Variants in NXN observed in about 807,000 individuals in gnomAD.
NXN encodes the protein nucleoredoxin 1.
In NXN, 16 loss-of-function variants were observed where a neutral mutation model predicts 48.6. The ratio of observed to expected loss-of-function variants is 0.33; its 90% CI spans 0.22 to 0.50. NXN has a LOEUF of 0.50. Ranked by LOEUF, NXN falls within the 20% of genes least tolerant of loss-of-function variation. The probability of loss-of-function intolerance (pLI) is 0.98; values close to 1 mark genes in which losing one functional copy is unlikely to be tolerated. For missense variants in NXN, 492 were observed against 605.5 expected, an observed-to-expected ratio of 0.81 and a Z score of 1.97; for synonymous variants, 281 against 269.6, an observed-to-expected ratio of 1.04 and a Z score of -0.41.
chr17:817,884 A>C (rs966175168), intron 5 of NXN, among the ~76,000 whole-genome samples: 2 of 152,150 alleles, frequency 1.3e-5, no homozygotes, highest in Non-Finnish European at 2.9e-5. Context: ...TGCTTTGTGA[A>C]GAGAAAAACC....
rs911168838 is a variant in NXN at position 958,557 on chromosome 17, G to A, written c.360+20762C>T. Among the ~76,000 whole-genome samples the A allele has an allele frequency of 8.5e-5, 13 of 152,116 alleles. No homozygotes were observed. Among genetic ancestry groups the A allele is most frequent in the African/African-American group, 3.1e-4 (13 of 41,400 alleles). ...GGAGGCCGAAGCGGGTGGATCACGA[G>A]GTCAGGAGTTCGAGACCAGCCTGGC... On this transcript the variant is annotated intron_variant, in intron 1 of 7. Transcript: ENST00000336868. The surrounding 1 kb of genome is among the most constrained non-coding windows in gnomAD (Gnocchi z 6.9).
At chr17:885,651 A>C (rs1597694105) in intron 1 of NXN, among the ~76,000 whole-genome samples, 1 of 133,884 alleles carries the variant, frequency 7.5e-6, no homozygotes, top group Non-Finnish European at 1.6e-5. Flanking sequence ...CGCCATGCCC[A>C]CCTGGGGGCT....
At position 822,343 on chromosome 17, in the gene NXN, A is replaced by C; in HGVS notation, c.713+14T>G. The C allele has an allele frequency of 6.3e-7, 1 of 1,595,760 alleles. No homozygotes were observed. The highest frequency in any genetic ancestry group is 8.6e-7 in the Non-Finnish European group (1 of 1,164,272). Reference sequence around the variant, plus strand: ...CTACAGAAAAGGGGCCCAGCACTTCACGGCACGACTGACCTGTCTGCACTA... The same window carrying C: ...CTACAGAAAAGGGGCCCAGCACTTCCCGGCACGACTGACCTGTCTGCACTA... On this transcript the variant is annotated intron_variant, in intron 4 of 7. Coordinates refer to ENST00000336868, the MANE Select transcript of NXN (RefSeq NM_022463.5).
chr17:919,966 G>A lies in NXN; in HGVS notation c.360+59353C>T, dbSNP rs2068728950. Among the ~76,000 whole-genome samples the A allele has an allele frequency of 6.6e-6, 1 of 151,450 alleles. No homozygotes were observed. Among genetic ancestry groups the A allele is most frequent in the Admixed American group, 6.6e-5 (1 of 15,182 alleles). On this transcript the variant is annotated intron_variant, in intron 1 of 7. Coordinates refer to ENST00000336868, the MANE Select transcript of NXN (RefSeq NM_022463.5). The surrounding 1 kb of genome is among the most constrained non-coding windows in gnomAD (Gnocchi z 5.1). Reference sequence around the variant, plus strand: ...TGCCTCAGCCCCCACCGGCACCCTTGGTGCCTTCATCACCCATCCAGAGCA... The same window carrying A: ...TGCCTCAGCCCCCACCGGCACCCTTAGTGCCTTCATCACCCATCCAGAGCA...
intron 1 of NXN, among the ~76,000 whole-genome samples, chr17:961,940 T>A (rs547873114): frequency 6.6e-6 from 1 of 152,040 alleles, no homozygotes; most frequent in South Asian, 2.1e-4. Flanking sequence ...TTCAAGACCT[T>A]CCTGACCAAC....
intron 1 of NXN, among the ~76,000 whole-genome samples, chr17:967,381 G>A (rs1259601067): frequency 6.6e-6 from 1 of 152,218 alleles, no homozygotes; most frequent in Non-Finnish European, 1.5e-5. Context: ...GCGGGGCGGG[G>A]AGATGGGCAA....
intron 1 of NXN, among the ~76,000 whole-genome samples, chr17:834,476 G>T (rs952549640): frequency 6.6e-6 from 1 of 151,912 alleles, no homozygotes; most frequent in Non-Finnish European, 1.5e-5. Context: ...GTGCAATGGT[G>T]CGATCTCAGC....
At chr17:962,065 G>C (rs1207387526) in intron 1 of NXN, among the ~76,000 whole-genome samples, 1 of 152,110 alleles carries the variant, frequency 6.6e-6, no homozygotes, top group African/African-American at 2.4e-5. Flanking sequence ...AACCCGGGAG[G>C]TGGAGCTGCA....
At chr17:856,527 G>T (rs1267442129) in intron 1 of NXN, among the ~76,000 whole-genome samples, 1 of 128,236 alleles carries the variant, frequency 7.8e-6, no homozygotes, top group Non-Finnish European at 1.6e-5. Context: ...GTCTTGCTCT[G>T]TCGCCCAGGC....
At chr17:892,012 A>C (rs1263462108) in intron 1 of NXN, among the ~76,000 whole-genome samples, 116 of 147,020 alleles carry the variant, frequency 7.9e-4, no homozygotes, top group African/African-American at 2.8e-3. Context: ...CGCAACAGGG[A>C]ACCTAAACTA....
chr17:931,616 C>CACTCGA (rs1471972970), intron 1 of NXN, among the ~76,000 whole-genome samples: 1 of 149,724 alleles, frequency 6.7e-6, no homozygotes, highest in African/African-American at 2.5e-5. Flanking sequence ...GTGGGCGGAT[C>CACTCGA]GTGAGGTCAG....
At position 945,691 on chromosome 17, in the gene NXN, C is replaced by T. The variant is rs1056510219; in HGVS notation, c.360+33628G>A. Among the ~76,000 whole-genome samples the T allele has an allele frequency of 4.6e-5, 7 of 151,206 alleles. No individual in the cohort carries two copies. The South Asian group carries it at 8.3e-4, about 18-fold the overall frequency. On this transcript the variant is annotated intron_variant, in intron 1 of 7. Transcript: ENST00000336868. ...AGTTAGATGTTAAACATCACAAAGT[C>T]GGTGGATATTAAATGTATGATTGTT...
intron 1 of NXN, among the ~76,000 whole-genome samples, chr17:935,910 T>A (rs1334545768): frequency 6.6e-6 from 1 of 152,008 alleles, no homozygotes; most frequent in African/African-American, 2.4e-5. Context: ...CTGACCAACA[T>A]GGTGAAACCC....
intron 4 of NXN, 35 bp downstream of exon 4, chr17:822,322 A>G (rs1280876556): frequency 6.9e-7 from 1 of 1,456,764 alleles, no homozygotes; most frequent in Non-Finnish European, 9.6e-7. Context: ...AGCTACCTAC[A>G]GAAAAGGGGC....
chr17:905,090 T>A (rs550005832), intron 1 of NXN: 14 of 152,266 alleles, frequency 9.2e-5, no homozygotes, highest in African/African-American at 2.9e-4. Context: ...TGGAAGGCTA[T>A]GTCATTAAAA....
At chr17:819,136 C>T (rs995747315) in intron 5 of NXN, 16 of 371,772 alleles carry the variant, frequency 4.3e-5, no homozygotes, top group South Asian at 8.8e-5. Context: ...TAGTAGAGAC[C>T]GGGTTTCACC....
At chr17:814,364 C>CG (rs1281063737) in intron 5 of NXN, among the ~76,000 whole-genome samples, 12 of 152,304 alleles carry the variant, frequency 7.9e-5, no homozygotes, top group African/African-American at 2.9e-4. Context: ...CGGCAACCCA[C>CG]GGGCCCTCAC....
In NXN at chr17:821,215, C is replaced by T. The variant is rs1474573755; in HGVS notation, c.713+1142G>A. On this transcript the variant is annotated intron_variant, in intron 4 of 7. Transcript: ENST00000336868. ...AAGTGCCCTGTGTGTGCCGGCATCT[C>T]GGATCCTTTTGGGAACAGGAACATA... Among the ~76,000 whole-genome samples, 4 of 77,496 alleles carry T rather than the reference C, an allele frequency of 5.2e-5. 2 individuals are homozygous for T. Among genetic ancestry groups the T allele is most frequent in the Non-Finnish European group, 9.6e-5 (4 of 41,836 alleles). 50.8% of individuals were successfully genotyped at this position (77,496 alleles called of 152,430 possible). A position where few individuals can be genotyped will look rare whatever the true frequency, so the allele number is the denominator to read the frequency against.
chr17:901,247 C>A, intron 1 of NXN, among the ~76,000 whole-genome samples: 1 of 49,214 alleles, frequency 2.0e-5, no homozygotes, highest in Non-Finnish European at 4.5e-5. Context: ...TCATTTGTAT[C>A]CAAAACCCCT....
Sources: allele counts gnomAD v4.1 joint callset (sites outside exome capture counted in the v4.1 genomes callset), GRCh38; gene constraint gnomAD v4.1.1; non-coding constraint Gnocchi (gnomAD v3.1); transcripts MANE v1.5; gene names NCBI Gene and HGNC (gene_info 2026-07-23, HGNC 2026-07-21).